HMHB1: variants seen among roughly 807,000 people sequenced by gnomAD.
HMHB1 encodes the protein minor histocompatibility protein HB-1.
Under a neutral mutation model 2.4 loss-of-function variants are expected in HMHB1, and 4 were observed. That is an observed-to-expected ratio of 1.65 (90% CI 0.81 to 3.77). HMHB1 has a LOEUF of 3.77. Ranked by LOEUF, HMHB1 falls within the 30% of genes most tolerant of loss-of-function variation. The probability of loss-of-function intolerance (pLI) is 0.01; values close to 1 mark genes in which losing one functional copy is unlikely to be tolerated. For missense variants in HMHB1, 57 were observed against 44.2 expected, an observed-to-expected ratio of 1.29 and a Z score of -0.82; for synonymous variants, 22 against 17.6, an observed-to-expected ratio of 1.25 and a Z score of -0.63.
At chr5:143,817,689 C>G (rs35141453) in intron 1 of HMHB1, among the ~76,000 whole-genome samples, 25,813 of 151,950 alleles carry the variant, frequency 0.17, 2,496 homozygotes, top group African/African-American at 0.25. Context: ...TATGCGGGCT[C>G]TTTTTTGGAT....
intron 1 of HMHB1, among the ~76,000 whole-genome samples, chr5:143,816,574 T>C (rs1297022508): frequency 3.3e-5 from 5 of 152,224 alleles, no homozygotes; most frequent in African/African-American, 7.2e-5. Context: ...ATTGTATATA[T>C]ATACCACAGT....
intron 1 of HMHB1, among the ~76,000 whole-genome samples, chr5:143,814,901 G>A (rs924912452): frequency 1.3e-5 from 2 of 152,178 alleles, no homozygotes; most frequent in Admixed American, 1.3e-4. Context: ...CAAATATTGT[G>A]TGGCTTCTAC....
intron 1 of HMHB1, 142 bp from the exon 2 acceptor site, chr5:143,820,338 A>AAAAAAAAAAAAAAAAAAAAAAC (rs1759797250): frequency 2.9e-6 from 1 of 345,128 alleles, no homozygotes; most frequent in Admixed American, 4.6e-5. Context: ...AAAAAAAAAA[A>AAAAAAAAAAAAAAAAAAAAAAC]AAAAAAAAAA....
At position 143,815,767 on chromosome 5, in the gene HMHB1, C is replaced by T. The variant is rs895049273; in HGVS notation, c.37+3463C>T. 4.7e-5 allele frequency among the ~76,000 whole-genome samples: 7 copies of T among 149,174 alleles called. 1 individual carries two copies. Among genetic ancestry groups the T allele is most frequent in the African/African-American group, 1.8e-4 (7 of 39,502 alleles). ...CAGGCCGGACTGCGGACTGCAGTGGCGCAATCTCGGCTCACTGCAAGCTCC... is the reference window on the plus strand; with the variant it reads ...CAGGCCGGACTGCGGACTGCAGTGGTGCAATCTCGGCTCACTGCAAGCTCC... On this transcript the variant is annotated intron_variant, in intron 1 of 1. Coordinates refer to ENST00000289448, the MANE Select transcript of HMHB1 (RefSeq NM_021182.3).
intron 1 of HMHB1, among the ~76,000 whole-genome samples, chr5:143,815,526 T>A (rs1240057720): frequency 6.6e-6 from 1 of 151,378 alleles, no homozygotes; most frequent in Non-Finnish European, 1.5e-5. Flanking sequence ...TGTATTTTTT[T>A]CTTTTTTTTT....
intron 1 of HMHB1, among the ~76,000 whole-genome samples, chr5:143,818,903 A>AGG (rs1174641936): frequency 2.0e-5 from 3 of 152,186 alleles, no homozygotes. Context: ...TCAGCAAAAG[A>AGG]GGGGAGGTCT....
At chr5:143,819,446 C>T (rs1759783027) in intron 1 of HMHB1, among the ~76,000 whole-genome samples, 1 of 152,116 alleles carries the variant, frequency 6.6e-6, no homozygotes, top group Non-Finnish European at 1.5e-5. Context: ...AAGGGTCACA[C>T]CAAGATGGTG....
intron 1 of HMHB1, among the ~76,000 whole-genome samples, chr5:143,816,150 T>C (rs893452219): frequency 6.6e-6 from 1 of 152,232 alleles, no homozygotes; most frequent in African/African-American, 2.4e-5. Flanking sequence ...CTGAGGATTA[T>C]GACATGAGCA....
At chr5:143,815,906 C>A (rs1236801432) in intron 1 of HMHB1, among the ~76,000 whole-genome samples, 2 of 144,922 alleles carry the variant, frequency 1.4e-5, no homozygotes, top group Non-Finnish European at 3.0e-5. Context: ...CGGGGTTTCA[C>A]CTTGTTAGCC....
chr5:143,819,240 C>T (rs2126794406), intron 1 of HMHB1, among the ~76,000 whole-genome samples: 1 of 152,260 alleles, frequency 6.6e-6, no homozygotes, highest in South Asian at 2.1e-4. Context: ...TGGTTTGCCA[C>T]TGGTAGGGAG....
intron 1 of HMHB1, among the ~76,000 whole-genome samples, chr5:143,818,844 C>A (rs1008325340): frequency 6.6e-6 from 1 of 152,002 alleles, no homozygotes; most frequent in African/African-American, 2.4e-5. Context: ...CCACCACATG[C>A]AATGGTTAGA....
At chr5:143,820,318 TAAAAAAAAAA>T (rs60960654) in intron 1 of HMHB1, among the ~76,000 whole-genome samples, 152 bp from the exon 2 acceptor site, 74 of 47,580 alleles carry the variant, frequency 1.6e-3, no homozygotes, top group Middle Eastern at 0.014. Flanking sequence ...TCATCATAAG[TAAAAAAAAAA>T]AAAAAAAAAA....
chr5:143,816,447 A>G (rs1451578778), intron 1 of HMHB1, among the ~76,000 whole-genome samples: 2 of 152,202 alleles, frequency 1.3e-5, no homozygotes, highest in African/African-American at 4.8e-5. Context: ...GAGTGAGAAT[A>G]TATGATATTT....
chr5:143,812,755 C>G (rs1165274271), intron 1 of HMHB1, among the ~76,000 whole-genome samples: 2 of 152,174 alleles, frequency 1.3e-5, no homozygotes, highest in Non-Finnish European at 2.9e-5. Context: ...ACCATCATCA[C>G]CATCATCGCC....
At chr5:143,820,343 A>AAAAAAAAAAAAAAAAAAAAAAAAAAAAC (rs1759797607) in intron 1 of HMHB1, 137 bp from the exon 2 acceptor site, 1 of 326,764 alleles carries the variant, frequency 3.1e-6, no homozygotes, top group African/African-American at 2.3e-5. Context: ...AAAAAAAAAA[A>AAAAAAAAAAAAAAAAAAAAAAAAAAAAC]AAAAAAACAG....
At chr5:143,816,416 C>A (rs1759750479) in intron 1 of HMHB1, among the ~76,000 whole-genome samples, 1 of 152,156 alleles carries the variant, frequency 6.6e-6, no homozygotes, top group South Asian at 2.1e-4. Context: ...TTTGCGTCCT[C>A]ACAGCTTAGC....
At chr5:143,813,939 T>G (rs544068599) in intron 1 of HMHB1, among the ~76,000 whole-genome samples, 11 of 152,368 alleles carry the variant, frequency 7.2e-5, no homozygotes, top group Non-Finnish European at 5.9e-5. Context: ...TATTTTTATG[T>G]GTTACTATGA....
At chr5:143,817,183 T>C (rs1409850800) in intron 1 of HMHB1, among the ~76,000 whole-genome samples, 2 of 152,236 alleles carry the variant, frequency 1.3e-5, no homozygotes, top group Non-Finnish European at 2.9e-5. Context: ...GCTGTTTCTT[T>C]TGCTGCGTAA....
intron 1 of HMHB1, among the ~76,000 whole-genome samples, chr5:143,817,266 A>G (rs1385769663): frequency 6.6e-6 from 1 of 152,304 alleles, no homozygotes; most frequent in East Asian, 1.9e-4. Flanking sequence ...GTTCTTGGCC[A>G]TGAAATCCTT....
Sources: gnomAD v4.1 joint callset for allele counts (sites outside exome capture counted in the v4.1 genomes callset) on GRCh38, gnomAD v4.1.1 for gene constraint, MANE v1.5 for transcripts, NCBI Gene and HGNC (gene_info 2026-07-23, HGNC 2026-07-21) for gene names.